Variants in RGS7 observed in about 807,000 individuals in gnomAD.
The protein encoded by RGS7 is regulator of G-protein signaling 7.
A neutral mutation model predicts 81.1 loss-of-function variants in RGS7; 27 were observed. That is an observed-to-expected ratio of 0.33 (90% confidence interval 0.25 to 0.46). RGS7 has a LOEUF of 0.46. RGS7 is among the 20% of genes least tolerant of loss of function. The pLI is 1.00. For synonymous variants in RGS7, 208 were observed against 207.7 expected (o/e 1.00, Z -0.01); for missense variants, 396 against 607.4 (o/e 0.65, Z 3.66).
intron 3 of RGS7, 71 bp from the exon 4 acceptor site, chr1:240,983,200 C>T (rs1685185382): frequency 1.2e-6 from 1 of 826,314 alleles, no homozygotes; most frequent in Non-Finnish European, 1.9e-6. Flanking sequence ...TTTAAGAATT[C>T]TCCACCTTTG....
chr1:241,288,425 C>T (rs2078930235), intron 2 of RGS7, among the ~76,000 whole-genome samples: 1 of 152,128 alleles, frequency 6.6e-6, no homozygotes, highest in Admixed American at 6.5e-5. Flanking sequence ...CCAAGTATGC[C>T]TGTTATTGTT....
chr1:241,079,825 T>C (rs1045137439), intron 3 of RGS7, among the ~76,000 whole-genome samples: 2 of 146,326 alleles, frequency 1.4e-5, no homozygotes, highest in Non-Finnish European at 3.0e-5. Flanking sequence ...CCTCACCCCA[T>C]AGGCTTTTAT....
At chr1:240,786,572 A>G (rs947822041) in intron 18 of RGS7, among the ~76,000 whole-genome samples, 2 of 152,186 alleles carry the variant, frequency 1.3e-5, no homozygotes, top group African/African-American at 4.8e-5. Context: ...ACACACACAA[A>G]TACAGTTTAT....
At chr1:241,294,450 T>G (rs1471477229) in intron 2 of RGS7, among the ~76,000 whole-genome samples, 1 of 152,070 alleles carries the variant, frequency 6.6e-6, no homozygotes, top group Non-Finnish European at 1.5e-5. Flanking sequence ...AAACATACAA[T>G]AAAATAATTT....
chr1:240,901,684 C>T (rs1210863179), intron 6 of RGS7, among the ~76,000 whole-genome samples: 1 of 152,112 alleles, frequency 6.6e-6, no homozygotes, highest in Non-Finnish European at 1.5e-5. Context: ...AATGGCTTGA[C>T]GTTGAGGTCC....
Position 241,184,283 on chromosome 1 carries a change from C to T in RGS7, c.79-85521G>A, listed in dbSNP as rs542811261. On this transcript the variant is annotated intron_variant, in intron 2 of 18. Coordinates refer to ENST00000440928, the MANE Select transcript of RGS7 (RefSeq NM_001364886.1). ...TCAAGAGCCAATAAAAACATGATTA[C>T]CTAGCCACTCTGTTGACGACAGCAG... Among the ~76,000 whole-genome samples the T allele has an allele frequency of 3.3e-5, 5 of 152,228 alleles. No individual in the cohort carries two copies. In the East Asian group the frequency reaches 9.6e-4, roughly 29 times the overall value.
chr1:240,907,844 G>A (rs773385944), intron 6 of RGS7, among the ~76,000 whole-genome samples: 1 of 152,004 alleles, frequency 6.6e-6, no homozygotes, highest in African/African-American at 2.4e-5. Context: ...GCGTCTTGTC[G>A]GCCTTAACCG....
At chr1:240,960,639 AC>A (rs1205158081) in intron 4 of RGS7, among the ~76,000 whole-genome samples, 3 of 149,496 alleles carry the variant, frequency 2.0e-5, no homozygotes, top group Non-Finnish European at 4.4e-5. Flanking sequence ...CTGAGATGAG[AC>A]TCATGGAACT....
intron 14 of RGS7, among the ~76,000 whole-genome samples, chr1:240,810,071 C>A (rs1448096387): frequency 6.6e-6 from 1 of 152,134 alleles, no homozygotes; most frequent in East Asian, 1.9e-4. Context: ...TTCTCTCTTC[C>A]TGTTTTGATG....
At chr1:240,968,318 T>G (rs1375166194) in intron 4 of RGS7, among the ~76,000 whole-genome samples, 11 of 152,196 alleles carry the variant, frequency 7.2e-5, no homozygotes, top group African/African-American at 2.7e-4. Context: ...GCCTGGCAGA[T>G]CCCTTCCAAA....
intron 2 of RGS7, among the ~76,000 whole-genome samples, chr1:241,248,413 C>A (rs2076664430): frequency 6.9e-6 from 1 of 145,554 alleles, no homozygotes; most frequent in African/African-American, 2.5e-5. Flanking sequence ...TATATATATA[C>A]ATATATATAT....
intron 2 of RGS7, among the ~76,000 whole-genome samples, chr1:241,306,882 G>A (rs938752592): frequency 6.6e-6 from 1 of 152,178 alleles, no homozygotes; most frequent in Non-Finnish European, 1.5e-5. Context: ...AACAGAAGCG[G>A]TTAACTGGCA....
At chr1:241,122,827 T>C (rs766031870) in intron 2 of RGS7, among the ~76,000 whole-genome samples, 1 of 152,216 alleles carries the variant, frequency 6.6e-6, no homozygotes, top group Non-Finnish European at 1.5e-5. Context: ...ACTTGATTTG[T>C]TGACTCCTAT....
intron 6 of RGS7, among the ~76,000 whole-genome samples, chr1:240,913,706 A>G (rs1672125773): frequency 6.6e-6 from 1 of 152,102 alleles, no homozygotes; most frequent in Non-Finnish European, 1.5e-5. Flanking sequence ...CACTACTGCA[A>G]TTTGGCTGAA....
chr1:240,970,829 C>CA (rs1683085700), intron 4 of RGS7, among the ~76,000 whole-genome samples: 1 of 151,904 alleles, frequency 6.6e-6, no homozygotes, highest in Non-Finnish European at 1.5e-5. Flanking sequence ...TACTAAAATA[C>CA]AAAAATTAGC....
chr1:241,111,225 TATC>T (rs1394529124), intron 2 of RGS7, among the ~76,000 whole-genome samples: 1 of 152,176 alleles, frequency 6.6e-6, no homozygotes, highest in Non-Finnish European at 1.5e-5. Flanking sequence ...GTATGTAAAT[TATC>T]TGCTAGTTGA....
At chr1:241,070,058 T>TCC (rs2062338024) in intron 3 of RGS7, among the ~76,000 whole-genome samples, 1 of 152,184 alleles carries the variant, frequency 6.6e-6, no homozygotes, top group Non-Finnish European at 1.5e-5. Context: ...CTGCCTAGGA[T>TCC]GACACCTCAT....
chr1:241,044,919 ACT>A (rs371978670), intron 3 of RGS7, among the ~76,000 whole-genome samples: 79 of 152,016 alleles, frequency 5.2e-4, no homozygotes, highest in African/African-American at 1.8e-3. Context: ...AATTGTTTTA[ACT>A]CTTTTTTCCC....
chr1:241,263,912 A>G (rs1220122739), intron 2 of RGS7, among the ~76,000 whole-genome samples: 1 of 152,216 alleles, frequency 6.6e-6, no homozygotes, highest in Non-Finnish European at 1.5e-5. Context: ...CAGAAGTCAC[A>G]GAACTTCATG....
Sources: gnomAD v4.1 joint callset for allele counts (sites outside exome capture counted in the v4.1 genomes callset) on GRCh38, gnomAD v4.1.1 for gene constraint, MANE v1.5 for transcripts, NCBI Gene and HGNC (gene_info 2026-07-23, HGNC 2026-07-21) for gene names.